The following TECRL variants were observed in gnomAD, a reference collection of about 807,000 sequenced individuals.
TECRL encodes trans-2,3-enoyl-CoA reductase-like.
A neutral mutation model predicts 52.8 loss-of-function variants in TECRL; 63 were observed. The observed-to-expected ratio is 1.19, with a 90% CI of 0.97 to 1.47. The LOEUF is 1.47. Among genes scored for constraint, TECRL ranks in the 40% most tolerant of loss-of-function variants. The pLI is 0.00. For missense variants in TECRL, 482 were observed against 429.6 expected, an observed-to-expected ratio of 1.12 and a Z score of -1.08; for synonymous variants, 164 against 141.9, an observed-to-expected ratio of 1.16 and a Z score of -1.10.
At chr4:64,284,189 G>T (rs1156491761) in intron 9 of TECRL, among the ~76,000 whole-genome samples, 2 of 152,010 alleles carry the variant, frequency 1.3e-5, no homozygotes, top group African/African-American at 2.4e-5. Context: ...CTCTAAGATT[G>T]TACAAACACA....
chr4:64,289,833 T>G (rs1021084764), intron 8 of TECRL, 66 bp from the exon 9 acceptor site: 18 of 993,634 alleles, frequency 1.8e-5, no homozygotes, highest in Non-Finnish European at 2.4e-5. Context: ...AAACATATTC[T>G]AGAGTTATAT....
At chr4:64,369,529 G>T (rs13131221) in intron 2 of TECRL, among the ~76,000 whole-genome samples, 136,331 of 152,052 alleles carry the variant, frequency 0.9, 61,807 homozygotes, top group East Asian at 1. Context: ...TGGGTACTAC[G>T]GGGACTTCTG....
intron 8 of TECRL, among the ~76,000 whole-genome samples, chr4:64,297,902 C>T (rs1348898160): frequency 6.6e-6 from 1 of 151,062 alleles, no homozygotes; most frequent in Non-Finnish European, 1.5e-5. Context: ...GTAAACACTA[C>T]TAAGAAATTT....
At chr4:64,367,427 A>G (rs1295614982) in intron 2 of TECRL, among the ~76,000 whole-genome samples, 1 of 152,176 alleles carries the variant, frequency 6.6e-6, no homozygotes, top group Non-Finnish European at 1.5e-5. Context: ...TAATTTTAAA[A>G]CTAATGCAAT....
intron 1 of TECRL, among the ~76,000 whole-genome samples, chr4:64,382,207 A>G (rs1722845683): frequency 3.8e-4 from 1 of 2,634 alleles, no homozygotes; most frequent in African/African-American, 5.1e-4. Flanking sequence ...ATATATATAT[A>G]TATATATATA....
At chr4:64,305,634 G>A (rs968001316) in intron 6 of TECRL, among the ~76,000 whole-genome samples, 5 of 152,250 alleles carry the variant, frequency 3.3e-5, no homozygotes, top group Non-Finnish European at 7.4e-5. Flanking sequence ...GCACAGACAA[G>A]GACTGAGGAT....
intron 1 of TECRL, 89 bp downstream of exon 1, chr4:64,409,029 T>G: frequency 8.8e-7 from 1 of 1,141,448 alleles, no homozygotes; most frequent in Admixed American, 2.5e-5. Context: ...AGAACAGTCG[T>G]GTTAGAATTT....
intron 2 of TECRL, among the ~76,000 whole-genome samples, chr4:64,369,102 C>G (rs1560534956): frequency 6.6e-6 from 1 of 152,124 alleles, no homozygotes; most frequent in African/African-American, 2.4e-5. Context: ...ATGGTGTTTT[C>G]AACTAATAGA....
intron 4 of TECRL, among the ~76,000 whole-genome samples, chr4:64,315,886 T>C (rs1002092599): frequency 6.6e-6 from 1 of 152,122 alleles, no homozygotes; most frequent in Non-Finnish European, 1.5e-5. Context: ...TTTTCTCATG[T>C]ACCAAGAAAG....
At chr4:64,282,496 G>A (rs970572259) in intron 9 of TECRL, among the ~76,000 whole-genome samples, 6 of 151,904 alleles carry the variant, frequency 3.9e-5, no homozygotes, top group Non-Finnish European at 8.8e-5. Context: ...AAATAAATAT[G>A]TAGGCCTTTT....
At chr4:64,375,287 GA>G (rs890113703) in intron 1 of TECRL, 64 bp from the exon 2 acceptor site, 46 of 894,334 alleles carry the variant, frequency 5.1e-5, no homozygotes, top group Middle Eastern at 7.1e-4. Context: ...ATCCATTTAA[GA>G]AAAAAAAGTT....
chr4:64,324,209 T>TA (rs908260304), intron 3 of TECRL, among the ~76,000 whole-genome samples: 5 of 152,078 alleles, frequency 3.3e-5, no homozygotes, highest in African/African-American at 7.2e-5. Flanking sequence ...GGAAGATATG[T>TA]AAAAAAATAT....
intron 2 of TECRL, among the ~76,000 whole-genome samples, chr4:64,341,617 G>A (rs72638974): frequency 0.22 from 33,654 of 151,918 alleles, 4,178 homozygotes; most frequent in South Asian, 0.39. Context: ...AAAAAAAATG[G>A]GGCTAAAACA....
chr4:64,367,533 A>C lies in TECRL; in HGVS notation c.286+7639T>G, dbSNP rs542360853. ...TACAAAAAGTGTCATATATCACATAAAATTCTCATCACTTATATGAATATC... is the reference window on the plus strand; with the variant it reads ...TACAAAAAGTGTCATATATCACATACAATTCTCATCACTTATATGAATATC... On this transcript the variant is annotated intron_variant, in intron 2 of 11. Transcript: ENST00000381210. 7.0e-5 allele frequency among the ~76,000 whole-genome samples: 10 copies of C among 142,376 alleles called. No homozygotes were observed. In the East Asian group the frequency reaches 2.1e-3, roughly 30 times the overall value. 93.4% of individuals were successfully genotyped at this position (142,376 alleles called of 152,430 possible). A position where few individuals can be genotyped will look rare whatever the true frequency, so the allele number is the denominator to read the frequency against.
intron 7 of TECRL, among the ~76,000 whole-genome samples, chr4:64,304,500 G>T (rs906002257): frequency 2.0e-5 from 3 of 151,982 alleles, no homozygotes; most frequent in Non-Finnish European, 2.9e-5. Flanking sequence ...ACCAGAAATA[G>T]CCCACAAAAA....
intron 3 of TECRL, among the ~76,000 whole-genome samples, chr4:64,325,742 C>G (rs911541794): frequency 6.6e-6 from 1 of 152,072 alleles, no homozygotes; most frequent in Non-Finnish European, 1.5e-5. Context: ...CAATATACAT[C>G]TATTAGCACC....
At chr4:64,276,880 T>A, downstream of TECRL, 1 of 445,908 alleles carries the variant, frequency 2.2e-6, no homozygotes, top group Non-Finnish European at 4.0e-6. Context: ...TATGCATATG[T>A]GTACATACTT....
intron 2 of TECRL, among the ~76,000 whole-genome samples, chr4:64,353,645 T>C (rs1720552269): frequency 6.6e-6 from 1 of 152,162 alleles, no homozygotes; most frequent in Non-Finnish European, 1.5e-5. Context: ...TTGAAGTATC[T>C]GCAAGATACT....
At chr4:64,277,018 CT>C, downstream of TECRL, 2 of 1,495,406 alleles carry the variant, frequency 1.3e-6, no homozygotes, top group South Asian at 1.3e-5. Context: ...ATTTGTCAGG[CT>C]TTTTCTTTTG....
Sources: allele counts gnomAD v4.1 joint callset (sites outside exome capture counted in the v4.1 genomes callset), GRCh38; gene constraint gnomAD v4.1.1; transcripts MANE v1.5; gene names NCBI Gene and HGNC (gene_info 2026-07-23, HGNC 2026-07-21).